The following MASTL variants were observed in gnomAD, a reference collection of about 807,000 sequenced individuals.
The protein encoded by MASTL is microtubule associated serine/threonine kinase like.
In MASTL, 54 loss-of-function variants were observed where a neutral mutation model predicts 82.5. That is an observed-to-expected ratio of 0.65 (90% CI 0.53 to 0.82). The LOEUF (loss-of-function observed/expected upper bound fraction) is 0.82. MASTL is among the 40% of genes least tolerant of loss of function. MASTL has a pLI of 0.00. For synonymous variants in MASTL, 323 were observed against 368.9 expected (o/e 0.88, Z 1.43); for missense variants, 950 against 1,047.8 (o/e 0.91, Z 1.29).
At chr10:27,166,467 C>T (rs2057745753) in intron 6 of MASTL, among the ~76,000 whole-genome samples, 1 of 152,030 alleles carries the variant, frequency 6.6e-6, no homozygotes, top group Non-Finnish European at 1.5e-5. Flanking sequence ...GATAGCTATT[C>T]CAAATTGATT....
chr10:27,170,279 A>G lies in MASTL; in HGVS notation c.1320A>G (p.Lys440=), dbSNP rs2057883564. The change falls in exon 8 of 12, where the codon AAA becomes AAG. Residue 440 remains lysine (K), a synonymous_variant. Coordinates refer to ENST00000375940, the MANE Select transcript of MASTL (RefSeq NM_001172303.3). ...GGATATCTGAAGAGCACCTTGGGAA[A>G]AGAAGTTTAAAAAGAAATTTTGAGT... ...SGGISEEHLG[K]RSLKRNFELV... is the part of the protein sequence containing the mutation. The G allele has an allele frequency of 6.2e-7, 1 of 1,614,008 alleles. No homozygotes were observed. The highest frequency in any genetic ancestry group is 1.3e-5 in the African/African-American group (1 of 74,936).
Position 27,170,805 on chromosome 10 carries a change from G to A in MASTL, c.1846G>A (p.Glu616Lys). 2 of 1,614,134 alleles carry A rather than the reference G, an allele frequency of 1.2e-6. No individual in the cohort carries two copies. The highest frequency in any genetic ancestry group is 1.1e-5 in the South Asian group (1 of 91,090). The change falls in exon 8 of 12, where the codon GAA becomes AAA. Residue 616 changes from glutamate to lysine, a missense_variant. Transcript: ENST00000375940. Reference sequence around the variant, plus strand: ...ACTTATTGTAACACCAGATTGCCAAGAAAAGACCTCACCAAAAGGTGTCGA... The same window carrying A: ...ACTTATTGTAACACCAGATTGCCAAAAAAAGACCTCACCAAAAGGTGTCGA... ...DPLIVTPDCQEKTSPKGVENP... is the reference protein window; with the variant it reads ...DPLIVTPDCQKKTSPKGVENP...
At chr10:27,176,360 T>C (rs1229392210) in intron 9 of MASTL, among the ~76,000 whole-genome samples, 3 of 152,188 alleles carry the variant, frequency 2.0e-5, no homozygotes, top group Non-Finnish European at 4.4e-5. Context: ...CAATAATCAT[T>C]GCCACCGGAT....
chr10:27,164,966 C>CA (rs2057694201), intron 4 of MASTL, 98 bp from the exon 5 acceptor site: 2 of 832,042 alleles, frequency 2.4e-6, no homozygotes, highest in Admixed American at 2.1e-5. Context: ...ATTTGGTTTA[C>CA]AAAAAATTGT....
At position 27,170,851 on chromosome 10, in the gene MASTL, G is replaced by A. The variant is rs1240526219; in HGVS notation, c.1892G>A (p.Ser631Asn). Reference sequence around the variant, plus strand: ...GTCGAGAACCCTGCTGTACAAGAGAGTAACCAAAAAATGTTAGGTCCTCCT... The same window carrying A: ...GTCGAGAACCCTGCTGTACAAGAGAATAACCAAAAAATGTTAGGTCCTCCT... Reference protein sequence around the residue: ...KGVENPAVQESNQKMLGPPLE... With the variant: ...KGVENPAVQENNQKMLGPPLE... Residue 631 changes from serine (S) to asparagine (N), a missense_variant, in exon 8 of 12, where the codon AGT becomes AAT. Transcript: ENST00000375940. The A allele has an allele frequency of 1.2e-6, 2 of 1,614,122 alleles. No individual in the cohort carries two copies. The highest frequency in any genetic ancestry group is 1.1e-5 in the South Asian group (1 of 91,088).
intron 1 of MASTL, among the ~76,000 whole-genome samples, chr10:27,156,412 C>G (rs2057381653): frequency 6.6e-6 from 1 of 152,218 alleles, no homozygotes; most frequent in African/African-American, 2.4e-5. Context: ...CGAAATTTTT[C>G]TACCACAGAA....
At chr10:27,171,841 T>G (rs1036230123) in intron 8 of MASTL, among the ~76,000 whole-genome samples, 7 of 143,354 alleles carry the variant, frequency 4.9e-5, no homozygotes, top group African/African-American at 1.9e-4. Context: ...TTTTTTTTTT[T>G]TTTTTTGAGA....
chr10:27,164,804 C>G (rs2057688082), intron 4 of MASTL, among the ~76,000 whole-genome samples: 1 of 151,824 alleles, frequency 6.6e-6, no homozygotes, highest in East Asian at 1.9e-4. Context: ...AGACCAGCTA[C>G]TTTTTGTATT....
At position 27,171,100 on chromosome 10, in the gene MASTL, C is replaced by G; in HGVS notation, c.2124+17C>G. The G allele has an allele frequency of 6.2e-7, 1 of 1,609,548 alleles. No homozygotes were observed. The highest frequency in any genetic ancestry group is 8.5e-7 in the Non-Finnish European group (1 of 1,175,990). On this transcript the variant is annotated intron_variant, in intron 8 of 11. Coordinates refer to ENST00000375940, the MANE Select transcript of MASTL (RefSeq NM_001172303.3). ...CCACATCAGGTATATTTATAACTTT[C>G]TAATACTGTTTTTTGGATTTTAGAA...
At chr10:27,161,888 A>G (rs909580931) in intron 4 of MASTL, among the ~76,000 whole-genome samples, 2 of 152,226 alleles carry the variant, frequency 1.3e-5, no homozygotes, top group Non-Finnish European at 2.9e-5. Context: ...ATATTCAAAT[A>G]TACACGGCCA....
chr10:27,163,944 T>TTTAC (rs2057658446), intron 4 of MASTL, among the ~76,000 whole-genome samples: 2 of 151,620 alleles, frequency 1.3e-5, no homozygotes, highest in South Asian at 4.2e-4. Context: ...CATTCATTTA[T>TTTAC]TTATTTTGAG....
Position 27,170,462 on chromosome 10 carries a change from T to C in MASTL, c.1503T>C (p.Asn501=). ...TATCAGTGCACAAAAGTCAACAAAA[T>C]GACTGTGCTAATAAGGAGAACATTG... ...LKLSVHKSQQ[N]DCANKENIVN... is the part of the protein sequence containing the mutation. The change falls in exon 8 of 12, where the codon AAT becomes AAC. Residue 501 remains asparagine (N), a synonymous_variant. Coordinates refer to ENST00000375940, the MANE Select transcript of MASTL (RefSeq NM_001172303.3). The C allele has an allele frequency of 1.2e-6, 2 of 1,614,098 alleles. No individual in the cohort carries two copies. Among genetic ancestry groups the C allele is most frequent in the Non-Finnish European group, 1.7e-6 (2 of 1,180,004 alleles).
chr10:27,157,631 TTTTA>T (rs913262620), intron 1 of MASTL, among the ~76,000 whole-genome samples: 33 of 152,288 alleles, frequency 2.2e-4, no homozygotes, highest in African/African-American at 7.7e-4. Context: ...CCAACTTTAT[TTTTA>T]TTTATTTATT....
rs1364944892 is a variant in MASTL at position 27,159,177 on chromosome 10, C to T, written c.325-442C>T. 6.6e-6 allele frequency among the ~76,000 whole-genome samples: 1 copy of T among 152,168 alleles called. No individual in the cohort carries two copies. Among genetic ancestry groups the T allele is most frequent in the African/African-American group, 2.4e-5 (1 of 41,438 alleles). On this transcript the variant is annotated intron_variant, in intron 2 of 11. Coordinates refer to ENST00000375940, the MANE Select transcript of MASTL (RefSeq NM_001172303.3). This position sits in a 1 kb window ranked among gnomAD's most constrained non-coding sequence, Gnocchi z 4.0. ...TAGACTGCAGTGGTGCAATCTTGGCCACTCTGCACCTCCTGGGTTCAAGCA... is the reference window on the plus strand; with the variant it reads ...TAGACTGCAGTGGTGCAATCTTGGCTACTCTGCACCTCCTGGGTTCAAGCA...
Position 27,165,111 on chromosome 10 carries a change from A to C in MASTL, c.601A>C (p.Arg201=). Residue 201 remains arginine, a synonymous_variant, in exon 5 of 12, where the codon AGA becomes CGA. Coordinates refer to ENST00000375940, the MANE Select transcript of MASTL (RefSeq NM_001172303.3). ...ILTTPSMAKP[R]QDYSRTPGQV... ...TACAACACCATCAATGGCAAAACCTAGACAAGATTATTCAAGAACCCCAGG... is the reference window on the plus strand; with the variant it reads ...TACAACACCATCAATGGCAAAACCTCGACAAGATTATTCAAGAACCCCAGG... 1 of 1,613,536 alleles carries C rather than the reference A, an allele frequency of 6.2e-7. No homozygotes were observed. Among genetic ancestry groups the C allele is most frequent in the Non-Finnish European group, 8.5e-7 (1 of 1,179,454 alleles).
chr10:27,176,338 T>TC (rs1405676101), intron 9 of MASTL, among the ~76,000 whole-genome samples: 1 of 152,220 alleles, frequency 6.6e-6, no homozygotes, highest in Non-Finnish European at 1.5e-5. Flanking sequence ...CTCTTCAACT[T>TC]CATCTTATTA....
intron 11 of MASTL, among the ~76,000 whole-genome samples, chr10:27,182,135 C>T (rs1456075909): frequency 6.6e-6 from 1 of 150,930 alleles, no homozygotes; most frequent in Non-Finnish European, 1.5e-5. Flanking sequence ...CCTGTAGTCC[C>T]AGCTACTCTG....
chr10:27,162,519 A>C (rs2057604440), intron 4 of MASTL, among the ~76,000 whole-genome samples: 1 of 152,180 alleles, frequency 6.6e-6, no homozygotes, highest in Non-Finnish European at 1.5e-5. Context: ...AAATACAAAA[A>C]TTAGCTGAGT....
At chr10:27,181,790 A>G (rs2058326067) in intron 11 of MASTL, among the ~76,000 whole-genome samples, 1 of 152,098 alleles carries the variant, frequency 6.6e-6, no homozygotes, top group Admixed American at 6.5e-5. Flanking sequence ...AAATACAAAA[A>G]TTGGCCGGGT....
Sources: allele counts gnomAD v4.1 joint callset (sites outside exome capture counted in the v4.1 genomes callset), GRCh38; gene constraint gnomAD v4.1.1; non-coding constraint Gnocchi (gnomAD v3.1); transcripts MANE v1.5; gene names NCBI Gene and HGNC (gene_info 2026-07-23, HGNC 2026-07-21).